The following THBS4 variants were observed in gnomAD, a reference collection of about 807,000 sequenced individuals.
THBS4 encodes thrombospondin 4.
Under a neutral mutation model 115.7 loss-of-function variants are expected in THBS4, and 90 were observed. The observed-to-expected ratio is 0.78, with a 90% CI of 0.66 to 0.93. The LOEUF (loss-of-function observed/expected upper bound fraction) is 0.93, where lower values mean the gene tolerates loss of function less well. Ranked by LOEUF, THBS4 falls within the 40% of genes least tolerant of loss-of-function variation. The pLI is 0.00. For missense variants in THBS4, 1,087 were observed against 1,232.7 expected, an observed-to-expected ratio of 0.88 and a Z score of 1.77; for synonymous variants, 460 against 479.3, an observed-to-expected ratio of 0.96 and a Z score of 0.53.
Position 80,078,124 on chromosome 5 carries a change from A to G in THBS4, c.2162A>G (p.Glu721Gly). The G allele has an allele frequency of 6.2e-7, 1 of 1,612,506 alleles. No homozygotes were observed. Among genetic ancestry groups the G allele is most frequent in the Non-Finnish European group, 8.5e-7 (1 of 1,179,042 alleles). Residue 721 changes from glutamate (E) to glycine (G), a missense_variant, in exon 17 of 22, where the codon GAG becomes GGG. Coordinates refer to ENST00000350881, the MANE Select transcript of THBS4 (RefSeq NM_003248.6). Reference sequence around the variant, plus strand: ...ATCGATCGGATCGACGTCTGCCCAGAGAACGCAGAGGTCACCCTGACCGAC... The same window carrying G: ...ATCGATCGGATCGACGTCTGCCCAGGGAACGCAGAGGTCACCCTGACCGAC... ...QVIDRIDVCP[E>G]NAEVTLTDFR... is the part of the protein sequence containing the mutation.
chr5:80,029,542 A>G (rs184382141), intron 2 of THBS4, among the ~76,000 whole-genome samples: 33 of 152,340 alleles, frequency 2.2e-4, no homozygotes, highest in African/African-American at 7.5e-4. Flanking sequence ...AAAGAGGTTA[A>G]TGATAATTTT....
intron 2 of THBS4, among the ~76,000 whole-genome samples, chr5:80,029,227 C>G (rs2170): frequency 6.6e-6 from 1 of 151,774 alleles, no homozygotes; most frequent in East Asian, 1.9e-4. Flanking sequence ...CATTACACTC[C>G]ACATCATATT....
At chr5:80,006,143 C>T (rs1346240231) in intron 2 of THBS4, among the ~76,000 whole-genome samples, 2 of 152,264 alleles carry the variant, frequency 1.3e-5, no homozygotes, top group East Asian at 1.9e-4. Context: ...AATTGGGAAA[C>T]TCTTTTACCC....
Position 80,059,484 on chromosome 5 carries a change from G to C in THBS4, c.777G>C (p.Gln259His). 1 of 1,614,106 alleles carries C rather than the reference G, an allele frequency of 6.2e-7. No individual in the cohort carries two copies. Among genetic ancestry groups the C allele is most frequent in the Non-Finnish European group, 8.5e-7 (1 of 1,180,018 alleles). The change falls in exon 6 of 22, where the codon CAG (glutamine) becomes CAC (histidine). Residue 259 changes from glutamine to histidine, a missense_variant. Physicochemically the swap from Gln to His is conservative, Grantham distance 24. Transcript: ENST00000350881. ...SFLRNTIAEC[Q>H]ACGPLKFQSP... Reference sequence around the variant, plus strand: ...TGCGAAACACCATAGCTGAATGCCAGGCTTGCGGTAAGTGCTTTTCTAGTA... The same window carrying C: ...TGCGAAACACCATAGCTGAATGCCACGCTTGCGGTAAGTGCTTTTCTAGTA...
chr5:79,991,439 C>A (rs1010913440), intron 1 of THBS4: 3 of 488,364 alleles, frequency 6.1e-6, no homozygotes, highest in African/African-American at 4.0e-5. Flanking sequence ...TTAAGTCAGA[C>A]CCACCAGTAA....
chr5:79,991,336 T>C, exon 1 of THBS4: 1 of 1,071,472 alleles, frequency 9.3e-7, no homozygotes, highest in Non-Finnish European at 1.3e-6. Context: ...AAGGGTAATT[T>C]GGGGGCTCTT....
intron 8 of THBS4, among the ~76,000 whole-genome samples, chr5:80,065,148 A>G (rs2112115128): frequency 6.6e-6 from 1 of 152,308 alleles, no homozygotes; most frequent in South Asian, 2.1e-4. Flanking sequence ...TAACCTAAAA[A>G]GGTGATGGAA....
At chr5:80,039,861 G>A (rs1347235252) in intron 1 of THBS4, among the ~76,000 whole-genome samples, 1 of 152,194 alleles carries the variant, frequency 6.6e-6, no homozygotes, top group Non-Finnish European at 1.5e-5. Flanking sequence ...ACCCAGTGAT[G>A]AATATTGTGC....
At chr5:80,002,377 C>G (rs577748673) in intron 2 of THBS4, among the ~76,000 whole-genome samples, 1 of 152,218 alleles carries the variant, frequency 6.6e-6, no homozygotes, top group East Asian at 1.9e-4. Context: ...CAATGGATGT[C>G]AGGGGAGACC....
chr5:80,067,729 C>T, intron 9 of THBS4: 1 of 439,622 alleles, frequency 2.3e-6, no homozygotes, highest in African/African-American at 2.0e-5. Context: ...GTTCACAGTC[C>T]AGCCTTCTTC....
At chr5:80,011,533 T>C (rs1832126435) in intron 2 of THBS4, among the ~76,000 whole-genome samples, 1 of 152,264 alleles carries the variant, frequency 6.6e-6, no homozygotes, top group African/African-American at 2.4e-5. Context: ...TATTGACTGT[T>C]GTAGATCAAA....
chr5:80,045,712 G>A (rs922660941), intron 2 of THBS4, among the ~76,000 whole-genome samples: 3 of 152,146 alleles, frequency 2.0e-5, no homozygotes, highest in African/African-American at 7.2e-5. Context: ...TGTATTTTTA[G>A]TAGAGACAGG....
intron 2 of THBS4, among the ~76,000 whole-genome samples, chr5:80,002,745 GAAAAAAA>G (rs56899578): frequency 0.16 from 16,033 of 100,392 alleles, 1,063 homozygotes; most frequent in South Asian, 0.25. Flanking sequence ...CCAGAAGGGA[GAAAAAAA>G]AAAAAAAAAA....
intron 2 of THBS4, among the ~76,000 whole-genome samples, chr5:80,027,169 C>T (rs1166995438): frequency 1.3e-5 from 2 of 152,186 alleles, no homozygotes; most frequent in African/African-American, 2.4e-5. Context: ...GTTACTTTTC[C>T]ACCTTCCTGG....
At position 80,072,263 on chromosome 5, in the gene THBS4, A is replaced by G. The variant is rs1237735151; in HGVS notation, c.1721-15A>G. Reference sequence around the variant, plus strand: ...TGACATTCCCCTGACTCAAGGTAGCATTTCTTTCTCACAGGAATAAAAAAC... The same window carrying G: ...TGACATTCCCCTGACTCAAGGTAGCGTTTCTTTCTCACAGGAATAAAAAAC... On this transcript the variant is annotated splice_polypyrimidine_tract_variant and intron_variant, in intron 13 of 21. Coordinates refer to ENST00000350881, the MANE Select transcript of THBS4 (RefSeq NM_003248.6). 6.2e-7 allele frequency: 1 copy of G among 1,611,072 alleles called. No individual in the cohort carries two copies. Among genetic ancestry groups the G allele is most frequent in the Admixed American group, 1.7e-5 (1 of 60,020 alleles).
At chr5:80,080,363 T>C in intron 20 of THBS4, 1 of 374,746 alleles carries the variant, frequency 2.7e-6, no homozygotes, top group Non-Finnish European at 5.0e-6. Flanking sequence ...GGCTGTGCCC[T>C]TCTGCCATGC....
At chr5:80,062,952 G>T (rs1184031407) in intron 8 of THBS4, among the ~76,000 whole-genome samples, 2 of 152,120 alleles carry the variant, frequency 1.3e-5, no homozygotes, top group Non-Finnish European at 2.9e-5. Flanking sequence ...CATTTGGGTT[G>T]GTTCCAAGTC....
At chr5:80,003,418 T>C (rs1303659240) in intron 2 of THBS4, among the ~76,000 whole-genome samples, 4 of 152,070 alleles carry the variant, frequency 2.6e-5, no homozygotes, top group African/African-American at 9.7e-5. Flanking sequence ...CCTAGTGAGC[T>C]TTTGGAAGGG....
chr5:80,044,415 A>T (rs775313781), intron 2 of THBS4, among the ~76,000 whole-genome samples: 28 of 82,442 alleles, frequency 3.4e-4, no homozygotes, highest in Admixed American at 6.1e-4. Flanking sequence ...AGTAGGTAAT[A>T]AAAAAAAAAT....
Sources: gnomAD v4.1 joint callset for allele counts (sites outside exome capture counted in the v4.1 genomes callset) on GRCh38, gnomAD v4.1.1 for gene constraint, MANE v1.5 for transcripts, NCBI Gene and HGNC (gene_info 2026-07-23, HGNC 2026-07-21) for gene names.